Variants in RAB10 observed in about 807,000 individuals in gnomAD.
RAB10 encodes the protein RAB10, member RAS oncogene family.
RAB10 carries 5 observed loss-of-function variants against 25.7 expected under a neutral mutation model. That is an observed-to-expected ratio of 0.19 (90% CI 0.10 to 0.41). RAB10 has a LOEUF of 0.41. Among genes scored for constraint, RAB10 ranks in the 10% least tolerant of loss-of-function variants. The pLI, the probability that RAB10 is intolerant of heterozygous loss-of-function variation, is 1.00. For missense variants in RAB10, 103 were observed against 245.8 expected (o/e 0.42, Z 3.89); for synonymous variants, 89 against 86.4 (o/e 1.03, Z -0.16).
chr2:26,082,533 A>G (rs1666890619), intron 1 of RAB10, among the ~76,000 whole-genome samples: 4 of 152,318 alleles, frequency 2.6e-5, no homozygotes, highest in East Asian at 3.8e-4. Context: ...GAAATAATCT[A>G]TAATTGTATA....
In RAB10 at chr2:26,119,931, TTGGCGTGGAGG is replaced by T. The variant is rs1393181620; in HGVS notation, c.328-7210_328-7200del. 5.3e-5 allele frequency among the ~76,000 whole-genome samples: 8 copies of T among 152,330 alleles called. No homozygotes were observed. The South Asian group carries it at 6.2e-4, about 12-fold the overall frequency. On this transcript the variant is annotated intron_variant, in intron 3 of 5. Transcript: ENST00000264710. ...ACTAGCCCCAGAATACTGATGTGAG[TTGGCGTGGAGG>T]TGTAGTAGGTTGTAAATTGGTGGTC... is the stretch of plus-strand genomic sequence containing the variant.
chr2:26,037,888 ATT>A (rs1377502747), intron 1 of RAB10, among the ~76,000 whole-genome samples: 1 of 151,562 alleles, frequency 6.6e-6, no homozygotes, highest in African/African-American at 2.4e-5. Flanking sequence ...CCACTAAACA[ATT>A]TCTTTTTTTT....
At chr2:26,038,199 GT>G (rs35621018) in intron 1 of RAB10, among the ~76,000 whole-genome samples, 131 of 127,644 alleles carry the variant, frequency 1.0e-3, no homozygotes, top group Admixed American at 1.3e-3. Flanking sequence ...TTGTTTGTTT[GT>G]TTTTTTTTTT....
At chr2:26,082,359 T>G (rs1034613042) in intron 1 of RAB10, among the ~76,000 whole-genome samples, 3 of 152,012 alleles carry the variant, frequency 2.0e-5, no homozygotes, top group East Asian at 1.9e-4. Flanking sequence ...AATCTTAAAG[T>G]TGGAGTGCTA....
intron 1 of RAB10, among the ~76,000 whole-genome samples, chr2:26,071,688 CAA>C (rs70950164): frequency 0.75 from 108,557 of 144,542 alleles, 40,372 homozygotes; most frequent in East Asian, 0.87. Context: ...GACTTCATCT[CAA>C]AAAAAAAAAA....
rs578081680 is a variant in RAB10, at chr2:26,077,973, C to T, written c.128-20689C>T. On this transcript the variant is annotated intron_variant, in intron 1 of 5. Transcript: ENST00000264710. ...CAGCCTGGGCGACAGAACGAGACTC[C>T]GTCTAAAAAAAAATAAATAAAAAAG... is the stretch of plus-strand genomic sequence containing the variant. 7.3e-5 allele frequency among the ~76,000 whole-genome samples: 11 copies of T among 151,234 alleles called. No homozygotes were observed. The East Asian group carries it at 1.5e-3, about 21-fold the overall frequency.
At chr2:26,110,338 CAAAAAA>C (rs11403502) in intron 3 of RAB10, among the ~76,000 whole-genome samples, 2 of 123,710 alleles carry the variant, frequency 1.6e-5, no homozygotes, top group Non-Finnish European at 1.6e-5. Flanking sequence ...ACTCCGTCTC[CAAAAAA>C]AAAAAAAAAA....
At chr2:26,061,480 A>G (rs995672634) in intron 1 of RAB10, among the ~76,000 whole-genome samples, 6 of 152,052 alleles carry the variant, frequency 3.9e-5, no homozygotes, top group African/African-American at 1.2e-4. Context: ...TGGCACAGTA[A>G]TAGGCCACCA....
At chr2:26,130,833 A>G (rs1667998072) in intron 5 of RAB10, among the ~76,000 whole-genome samples, 1 of 152,214 alleles carries the variant, frequency 6.6e-6, no homozygotes, top group South Asian at 2.1e-4. Flanking sequence ...TATTTCAGAC[A>G]TTAATGGGTC....
At chr2:26,041,135 A>G (rs1323550423) in intron 1 of RAB10, among the ~76,000 whole-genome samples, 1 of 152,130 alleles carries the variant, frequency 6.6e-6, no homozygotes, top group African/African-American at 2.4e-5. Flanking sequence ...GTAGGCAGAC[A>G]GGTGGTACAA....
intron 3 of RAB10, among the ~76,000 whole-genome samples, chr2:26,123,156 A>T (rs777158931): frequency 6.6e-6 from 1 of 152,190 alleles, no homozygotes; most frequent in Non-Finnish European, 1.5e-5. Context: ...GGTTCCATCA[A>T]TACTTTGTCC....
Position 26,134,954 on chromosome 2 carries a change from C to T in RAB10, c.536C>T (p.Pro179Leu), listed in dbSNP as rs1209693884. 6.2e-7 allele frequency: 1 copy of T among 1,613,270 alleles called. No homozygotes were observed. Among genetic ancestry groups the T allele is most frequent in the South Asian group, 1.1e-5 (1 of 91,006 alleles). Residue 179 changes from proline to leucine, a missense_variant, in exon 6 of 6, where the codon CCC becomes CTC. Pro to Leu is a moderately conservative substitution (Grantham distance 98, BLOSUM62 -3). This residue lies in a region of RAB10 where 24 missense variants were observed against 28.0 expected (regional missense o/e 0.86). Coordinates refer to ENST00000264710, the MANE Select transcript of RAB10 (RefSeq NM_016131.5). ...TTGTTGCAGACCCCTGTAAAAGAGC[C>T]CAACAGTGAAAATGTAGATATCAGC... ...DILRKTPVKEPNSENVDISSG... is the reference protein window; with the variant it reads ...DILRKTPVKELNSENVDISSG...
intron 1 of RAB10, among the ~76,000 whole-genome samples, chr2:26,081,019 AG>A (rs1666857990): frequency 6.6e-6 from 1 of 152,086 alleles, no homozygotes; most frequent in Admixed American, 6.5e-5. Flanking sequence ...ACCTGGTGGG[AG>A]GTAATTGAAT....
intron 1 of RAB10, among the ~76,000 whole-genome samples, chr2:26,095,172 A>G (rs1667185185): frequency 6.6e-6 from 1 of 152,062 alleles, no homozygotes; most frequent in Admixed American, 6.6e-5. Context: ...GCCAGTGAAT[A>G]GTTGTGTTTT....
chr2:26,069,929 G>A (rs1666589275), intron 1 of RAB10, among the ~76,000 whole-genome samples: 1 of 152,044 alleles, frequency 6.6e-6, no homozygotes, highest in South Asian at 2.1e-4. Context: ...CTGCTCTCGA[G>A]CTCCTGACCT....
At position 26,098,708 on chromosome 2, in the gene RAB10, C is replaced by G; in HGVS notation, c.174C>G (p.Ile58Met). The G allele has an allele frequency of 6.3e-7, 1 of 1,591,714 alleles. No individual in the cohort carries two copies. ...CAGTTGAATTACAAGGAAAGAAGAT[C>G]AAGCTACAGATATGGTAAGTGATGC... ...IKTVELQGKK[I>M]KLQIWDTAGQ... Residue 58 changes from isoleucine to methionine, a missense_variant, in exon 2 of 6, where the codon ATC (isoleucine) becomes ATG (methionine). Coordinates refer to ENST00000264710, the MANE Select transcript of RAB10 (RefSeq NM_016131.5).
intron 1 of RAB10, among the ~76,000 whole-genome samples, chr2:26,083,643 T>A (rs1666918203): frequency 6.6e-6 from 1 of 151,996 alleles, no homozygotes; most frequent in Non-Finnish European, 1.5e-5. Flanking sequence ...TTTTGTATGC[T>A]AGTAGCTGGG....
intron 1 of RAB10, among the ~76,000 whole-genome samples, chr2:26,071,549 A>G (rs1050069656): frequency 6.6e-6 from 1 of 152,144 alleles, no homozygotes; most frequent in African/African-American, 2.4e-5. Context: ...TTAGCCAGAC[A>G]TGATGGTGGG....
At chr2:26,053,527 G>A (rs1364825732) in intron 1 of RAB10, among the ~76,000 whole-genome samples, 1 of 152,048 alleles carries the variant, frequency 6.6e-6, no homozygotes, top group Non-Finnish European at 1.5e-5. Context: ...GGATTTCAGT[G>A]GGTCCTATAT....
Sources: allele counts gnomAD v4.1 joint callset (sites outside exome capture counted in the v4.1 genomes callset), GRCh38; gene constraint gnomAD v4.1.1; regional missense constraint gnomAD v4.1.1; transcripts MANE v1.5; gene names NCBI Gene and HGNC (gene_info 2026-07-23, HGNC 2026-07-21).